CDT1: variants seen among roughly 807,000 people sequenced by gnomAD.
The protein encoded by CDT1 is DNA replication factor Cdt1.
In CDT1, 66 loss-of-function variants were observed where a neutral mutation model predicts 49.3. The observed-to-expected ratio is 1.34, with a 90% CI of 1.10 to 1.64. The LOEUF is 1.64. Ranked by LOEUF, CDT1 falls within the 40% of genes most tolerant of loss-of-function variation. The pLI, the probability that CDT1 is intolerant of heterozygous loss-of-function variation, is 0.00. For missense variants in CDT1, 958 were observed against 807.7 expected, an observed-to-expected ratio of 1.19 and a Z score of -2.26; for synonymous variants, 424 against 347.4, an observed-to-expected ratio of 1.22 and a Z score of -2.45.
rs757367489 is a variant in CDT1, at chr16:88,806,002, G to T, written c.833-19G>T. On this transcript the variant is annotated intron_variant, in intron 5 of 9. Coordinates refer to ENST00000301019, the MANE Select transcript of CDT1 (RefSeq NM_030928.4). ...GCTGGGTGGCCTGGTGGGGACTTAGGCCTGGACTCGTCCCACAGAGGCTGA... is the reference window on the plus strand; with the variant it reads ...GCTGGGTGGCCTGGTGGGGACTTAGTCCTGGACTCGTCCCACAGAGGCTGA... The T allele has an allele frequency of 3.2e-6, 5 of 1,581,960 alleles. No homozygotes were observed. The highest frequency in any genetic ancestry group is 1.1e-5 in the South Asian group (1 of 87,936).
At chr16:88,804,334 G>A (rs916205825) in intron 1 of CDT1, among the ~76,000 whole-genome samples, 1 of 152,168 alleles carries the variant, frequency 6.6e-6, no homozygotes, top group African/African-American at 2.4e-5. Flanking sequence ...GCGAGGCCAG[G>A]GCAGGGGTCC....
chr16:88,804,770 C>T lies in CDT1; in HGVS notation c.360C>T (p.Ile120=). 1 of 1,612,872 alleles carries T rather than the reference C, an allele frequency of 6.2e-7. No individual in the cohort carries two copies. The change falls in exon 3 of 10, where the codon ATC becomes ATT. Residue 120 remains isoleucine (I), a synonymous_variant. Transcript: ENST00000301019. ...CCCTGATCCCCCTGAAGGACACCAT[C>T]TCTGAGCTTGCGTCATGCCTGCAAC... is the stretch of plus-strand genomic sequence containing the variant. The part of the protein sequence containing the change: ...HLTSAQDQDT[I]SELASCLQRA...
rs1348825254 is a variant in CDT1 at position 88,805,738 on chromosome 16, G to GC, written c.702dup (p.Asn235GlnfsTer46). On this transcript the variant is annotated frameshift_variant, in exon 5 of 10. Transcript: ENST00000301019. LOFTEE classifies it high-confidence loss of function. ...TCCTCCCATAGGCGTTTTGAGGAGT[G>GC]CAATGTTGGCCAGATCAAAACCGTG... 2.5e-6 allele frequency: 4 copies of GC among 1,612,854 alleles called. No homozygotes were observed. Among genetic ancestry groups the GC allele is most frequent in the Non-Finnish European group, 3.4e-6 (4 of 1,179,964 alleles).
Position 88,804,616 on chromosome 16 carries a change from A to G in CDT1, c.300A>G (p.Lys100=). ...ACPSPGQKIK[K]STPAAGQPPH... is the part of the protein sequence containing the mutation. ...CTTCTCCGGGCCAGAAGATAAAGAA[A>G]TCCACCCCGGCAGCAGGTCAGCCGC... Residue 100 remains lysine (K), a synonymous_variant, in exon 2 of 10, where the codon AAA becomes AAG. Transcript: ENST00000301019. The G allele has an allele frequency of 1.2e-6, 2 of 1,612,782 alleles. No individual in the cohort carries two copies. Among genetic ancestry groups the G allele is most frequent in the Non-Finnish European group, 1.7e-6 (2 of 1,179,838 alleles).
rs1246490489 is a variant in CDT1 at position 88,807,108 on chromosome 16, T to C, written c.1180T>C (p.Ser394Pro). 6.2e-7 allele frequency: 1 copy of C among 1,612,706 alleles called. No homozygotes were observed. The highest frequency in any genetic ancestry group is 2.2e-5 in the East Asian group (1 of 44,876). ...CTCTGCTGCGCCCAGCAGCCCCGGG[T>C]CTCCCAGGCCAGCACTGCCGGCTAC... ...LRSAAPSSPG[S>P]PRPALPATPP... Residue 394 changes from serine (S) to proline (P), a missense_variant, in exon 8 of 10, where the codon TCT becomes CCT. Transcript: ENST00000301019.
rs1466035955 is a variant in CDT1, at chr16:88,804,146, A to C, written c.228+87A>C. On this transcript the variant is annotated intron_variant, in intron 1 of 9. Transcript: ENST00000301019. ...GCAGGGCTCGGGGAAACTGAGGCGG[A>C]GGGACGGGGGCGGGGAAACAGGCGG... The C allele has an allele frequency of 7.5e-6, 5 of 663,768 alleles. No individual in the cohort carries two copies. In the Admixed American group the frequency reaches 1.9e-4, roughly 26 times the overall value. 41.1% of individuals were successfully genotyped at this position (663,768 alleles called of 1,614,324 possible).
chr16:88,807,972 C>A, intron 9 of CDT1, 143 bp from the exon 10 acceptor site: 1 of 894,938 alleles, frequency 1.1e-6, no homozygotes, highest in South Asian at 1.4e-5. Flanking sequence ...CTGATCAGAA[C>A]CACCTCTGCC....
chr16:88,805,620 C>T lies in CDT1; in HGVS notation c.669C>T (p.Val223=), dbSNP rs1290531587. The T allele has an allele frequency of 1.2e-6, 2 of 1,612,758 alleles. No homozygotes were observed. The highest frequency in any genetic ancestry group is 1.7e-6 in the Non-Finnish European group (2 of 1,179,972). Residue 223 remains valine (V), a synonymous_variant, in exon 4 of 10, where the codon GTC becomes GTT. Transcript: ENST00000301019. ...CCTTTGCCAAGGTCCAGCGGGGCGTCCAGGACATGATGCGTAGGTGAGTGG... is the reference window on the plus strand; with the variant it reads ...CCTTTGCCAAGGTCCAGCGGGGCGTTCAGGACATGATGCGTAGGTGAGTGG... ...TPTFAKVQRG[V]QDMMRRRFEE... is the part of the protein sequence containing the mutation.
chr16:88,804,010 AC>A lies in CDT1; in HGVS notation c.181del (p.Gln61ArgfsTer38). On this transcript the variant is annotated frameshift_variant, in exon 1 of 10. Coordinates refer to ENST00000301019, the MANE Select transcript of CDT1 (RefSeq NM_030928.4). LOFTEE classifies it high-confidence loss of function. ...CGCCCGCCCGCCGCCCCCGGACGCGACCAGGCCAGGCCACCGGCCCGCAGGA... is the reference window on the plus strand; with the variant it reads ...CGCCCGCCCGCCGCCCCCGGACGCGACAGGCCAGGCCACCGGCCCGCAGGA... ...RARPPAAPGRDQARPPARRRL... is the reference protein window; with the variant it reads ...RARPPAAPGRXQARPPARRRL... 1 of 1,460,758 alleles carries A rather than the reference AC, an allele frequency of 6.8e-7. No individual in the cohort carries two copies. Among genetic ancestry groups the A allele is most frequent in the Non-Finnish European group, 9.0e-7 (1 of 1,112,664 alleles). 90.5% of individuals were successfully genotyped at this position (1,460,758 alleles called of 1,614,324 possible). A position where few individuals can be genotyped will look rare whatever the true frequency, so the allele number is the denominator to read the frequency against.
rs186930018 is a variant in CDT1, at chr16:88,808,875, C to G, written c.*597C>G. 50 of 159,614 alleles carry G rather than the reference C, an allele frequency of 3.1e-4. No homozygotes were observed. Among genetic ancestry groups the G allele is most frequent in the African/African-American group, 1.1e-3 (47 of 41,552 alleles). The allele number at this position is 159,614 out of a possible 1,614,324, so 9.9% of individuals were successfully genotyped here. Reference sequence around the variant, plus strand: ...GCCGGGTGTGGTGGTGGGCACCTGTCGTCCCAGCTACTAGGGAGGCTGAGG... The same window carrying G: ...GCCGGGTGTGGTGGTGGGCACCTGTGGTCCCAGCTACTAGGGAGGCTGAGG... On this transcript the variant is annotated 3_prime_UTR_variant, in exon 10 of 10. Coordinates refer to ENST00000301019, the MANE Select transcript of CDT1 (RefSeq NM_030928.4).
intron 7 of CDT1, 139 bp from the exon 8 acceptor site, chr16:88,806,912 G>T: frequency 2.4e-6 from 3 of 1,259,782 alleles, no homozygotes; most frequent in South Asian, 2.5e-5. Flanking sequence ...CTGCACACTG[G>T]GACACTGCAT....
Position 88,805,601 on chromosome 16 carries a change from C to A in CDT1, c.650C>A (p.Ala217Asp). 1 of 1,612,816 alleles carries A rather than the reference C, an allele frequency of 6.2e-7. No homozygotes were observed. ...LHNRSETPTFAKVQRGVQDMM... is the reference protein window; with the variant it reads ...LHNRSETPTFDKVQRGVQDMM... Reference sequence around the variant, plus strand: ...AACCGCTCCGAGACGCCCACCTTTGCCAAGGTCCAGCGGGGCGTCCAGGAC... The same window carrying A: ...AACCGCTCCGAGACGCCCACCTTTGACAAGGTCCAGCGGGGCGTCCAGGAC... The change falls in exon 4 of 10, where the codon GCC (alanine) becomes GAC (aspartate). Residue 217 changes from alanine (A) to aspartate (D), a missense_variant. By Grantham distance (126) the Ala-to-Asp change is moderately radical. Coordinates refer to ENST00000301019, the MANE Select transcript of CDT1 (RefSeq NM_030928.4).
At chr16:88,805,995 G>A in intron 5 of CDT1, 26 bp from the exon 6 acceptor site, 1 of 1,579,124 alleles carries the variant, frequency 6.3e-7, no homozygotes, top group Non-Finnish European at 8.6e-7. Context: ...GCCTGGTGGG[G>A]ACTTAGGCCT....
intron 3 of CDT1, 111 bp downstream of exon 3, chr16:88,805,009 G>A: frequency 1.4e-6 from 2 of 1,417,300 alleles, no homozygotes; most frequent in Non-Finnish European, 1.9e-6. Flanking sequence ...GGAGGGTGGT[G>A]GTGAGGTCAC....
chr16:88,804,011 C>T lies in CDT1; in HGVS notation c.180C>T (p.Asp60=), dbSNP rs1597503831. The T allele has an allele frequency of 2.7e-6, 4 of 1,458,566 alleles. No individual in the cohort carries two copies. Among genetic ancestry groups the T allele is most frequent in the Non-Finnish European group, 3.6e-6 (4 of 1,111,814 alleles). The allele number at this position is 1,458,566 out of a possible 1,614,324, so 90.4% of individuals were successfully genotyped here. The part of the protein sequence containing the change: ...RARPPAAPGR[D]QARPPARRRL... ...GCCCGCCCGCCGCCCCCGGACGCGA[C>T]CAGGCCAGGCCACCGGCCCGCAGGA... Residue 60 remains aspartate, a synonymous_variant, in exon 1 of 10, where the codon GAC becomes GAT. Coordinates refer to ENST00000301019, the MANE Select transcript of CDT1 (RefSeq NM_030928.4).
intron 1 of CDT1, 146 bp from the exon 2 acceptor site, chr16:88,804,399 C>T (rs753864895): frequency 3.6e-6 from 4 of 1,097,468 alleles, no homozygotes; most frequent in Non-Finnish European, 5.3e-6. Flanking sequence ...GGCCTTAGCA[C>T]AGACCACCAT....
In CDT1 at chr16:88,808,268, A is replaced by AG; in HGVS notation, c.1635dup (p.Leu546AlafsTer74). 6.3e-7 allele frequency: 1 copy of AG among 1,589,164 alleles called. No individual in the cohort carries two copies. Among genetic ancestry groups the AG allele is most frequent in the East Asian group, 2.3e-5 (1 of 43,800 alleles). ...CTGGCCCACCAGACACGTGCTGAGG[A>AG]GGGGCTGTGAGCCTGGGGGCCACTG... On this transcript the variant is annotated frameshift_variant, in exon 10 of 10. Coordinates refer to ENST00000301019, the MANE Select transcript of CDT1 (RefSeq NM_030928.4). LOFTEE classifies it high-confidence loss of function.
chr16:88,805,338 A>C, intron 3 of CDT1, 102 bp from the exon 4 acceptor site: 1 of 1,377,796 alleles, frequency 7.3e-7, no homozygotes, highest in Admixed American at 1.8e-5. Context: ...CGTGTGTGGC[A>C]TGGCAGGCCC....
At position 88,808,181 on chromosome 16, in the gene CDT1, T is replaced by C; in HGVS notation, c.1544T>C (p.Ile515Thr). 1 of 1,612,846 alleles carries C rather than the reference T, an allele frequency of 6.2e-7. No homozygotes were observed. The highest frequency in any genetic ancestry group is 8.5e-7 in the Non-Finnish European group (1 of 1,179,968). ...LLPDWLSLHRIRTDTYVKLDK... is the reference protein window; with the variant it reads ...LLPDWLSLHRTRTDTYVKLDK... ...CCGGACTGGCTCAGCCTCCACCGCA[T>C]CCGCACCGACACCTACGTCAAGCTG... The change falls in exon 10 of 10, where the codon ATC (isoleucine) becomes ACC (threonine). Residue 515 changes from isoleucine to threonine, a missense_variant. Ile to Thr is a moderately conservative substitution (Grantham distance 89, BLOSUM62 -1). Coordinates refer to ENST00000301019, the MANE Select transcript of CDT1 (RefSeq NM_030928.4).
Sources: gnomAD v4.1 joint callset for allele counts (sites outside exome capture counted in the v4.1 genomes callset) on GRCh38, gnomAD v4.1.1 for gene constraint, MANE v1.5 for transcripts, NCBI Gene and HGNC (gene_info 2026-07-23, HGNC 2026-07-21) for gene names.